Variants in HS6ST3 observed in about 807,000 individuals in gnomAD.
HS6ST3 encodes heparan sulfate 6-O-sulfotransferase 3.
In HS6ST3, 12 loss-of-function variants were observed where a neutral mutation model predicts 36.7. The ratio of observed to expected loss-of-function variants is 0.33; its 90% confidence interval spans 0.21 to 0.53. The LOEUF (loss-of-function observed/expected upper bound fraction) is 0.53. Among genes scored for constraint, HS6ST3 ranks in the 20% least tolerant of loss-of-function variants. HS6ST3 has a pLI of 0.95. For missense variants in HS6ST3, 584 were observed against 640.9 expected (o/e 0.91, Z 0.96); for synonymous variants, 240 against 257.5 (o/e 0.93, Z 0.65).
chr13:96,359,049 T>A (rs9556573), intron 1 of HS6ST3, among the ~76,000 whole-genome samples: 1 of 152,014 alleles, frequency 6.6e-6, no homozygotes, highest in Non-Finnish European at 1.5e-5. Flanking sequence ...ATATAAAATA[T>A]GTGTTAATGG....
intron 1 of HS6ST3, among the ~76,000 whole-genome samples, chr13:96,099,625 C>T (rs1228407758): frequency 6.6e-6 from 1 of 152,122 alleles, no homozygotes; most frequent in Non-Finnish European, 1.5e-5. Context: ...AATATCTTAC[C>T]ATGCTTTTAT....
intron 1 of HS6ST3, among the ~76,000 whole-genome samples, chr13:96,647,153 T>G (rs1566419808): frequency 6.6e-6 from 1 of 152,004 alleles, no homozygotes; most frequent in Non-Finnish European, 1.5e-5. Flanking sequence ...AAAGCAAATC[T>G]GCTACTAGTA....
intron 1 of HS6ST3, among the ~76,000 whole-genome samples, chr13:96,679,688 C>T (rs139825601): frequency 6.6e-6 from 1 of 152,286 alleles, no homozygotes; most frequent in East Asian, 1.9e-4. Context: ...GAATGCTGCT[C>T]TTCCCTAGCT....
intron 1 of HS6ST3, among the ~76,000 whole-genome samples, chr13:96,157,710 C>T (rs1474532049): frequency 6.6e-6 from 1 of 152,182 alleles, no homozygotes; most frequent in African/African-American, 2.4e-5. Context: ...AAAATAATGT[C>T]ATATTAATCA....
intron 1 of HS6ST3, among the ~76,000 whole-genome samples, chr13:96,311,924 T>C (rs375324922): frequency 4.6e-5 from 7 of 150,614 alleles, no homozygotes; most frequent in African/African-American, 1.7e-4. Flanking sequence ...CTCTGCTAGC[T>C]TTCTCATTTT....
chr13:96,668,505 T>C (rs2056671722), intron 1 of HS6ST3, among the ~76,000 whole-genome samples: 1 of 152,036 alleles, frequency 6.6e-6, no homozygotes, highest in African/African-American at 2.4e-5. Context: ...GGCAGCTCCC[T>C]TCTGCTGAGG....
chr13:96,414,857 G>A (rs1658001962), intron 1 of HS6ST3, among the ~76,000 whole-genome samples: 1 of 151,704 alleles, frequency 6.6e-6, no homozygotes, highest in Non-Finnish European at 1.5e-5. Flanking sequence ...TTTTCATTTT[G>A]TACAAAATTG....
chr13:96,225,201 G>T (rs2054474467), intron 1 of HS6ST3, among the ~76,000 whole-genome samples: 1 of 152,230 alleles, frequency 6.6e-6, no homozygotes, highest in Admixed American at 6.5e-5. Flanking sequence ...CATTTGAGAA[G>T]TAAATGTGCA....
intron 1 of HS6ST3, among the ~76,000 whole-genome samples, chr13:96,533,096 T>A (rs1194692291): frequency 6.6e-6 from 1 of 152,202 alleles, no homozygotes; most frequent in Non-Finnish European, 1.5e-5. Context: ...AAAGATAAAC[T>A]GGGGAAGCTA....
intron 1 of HS6ST3, among the ~76,000 whole-genome samples, chr13:96,420,614 A>G (rs994300144): frequency 1.3e-5 from 2 of 152,226 alleles, no homozygotes; most frequent in African/African-American, 4.8e-5. Context: ...ACTAGTATCA[A>G]GTTTATAACT....
At chr13:96,783,687 A>G (rs986132806) in intron 1 of HS6ST3, among the ~76,000 whole-genome samples, 9 of 152,118 alleles carry the variant, frequency 5.9e-5, no homozygotes, top group African/African-American at 2.2e-4. Context: ...AATTTGAGAC[A>G]ATATAAACCA....
At chr13:96,184,221 AAG>A (rs1555389927) in intron 1 of HS6ST3, among the ~76,000 whole-genome samples, 4 of 61,006 alleles carry the variant, frequency 6.6e-5, no homozygotes, top group African/African-American at 1.5e-4. Context: ...AAAAAAAAAA[AAG>A]AGAGAGAGAG....
intron 1 of HS6ST3, among the ~76,000 whole-genome samples, chr13:96,647,605 T>C (rs1297523918): frequency 6.6e-6 from 1 of 152,078 alleles, no homozygotes; most frequent in Non-Finnish European, 1.5e-5. Flanking sequence ...TCATATGGTG[T>C]AAGTGTTGAA....
intron 1 of HS6ST3, among the ~76,000 whole-genome samples, chr13:96,298,598 C>G (rs1321851415): frequency 6.6e-6 from 1 of 152,180 alleles, no homozygotes; most frequent in Non-Finnish European, 1.5e-5. Flanking sequence ...CCTGAGACAT[C>G]TCTAATAGTC....
At chr13:96,697,105 A>G (rs1875150179) in intron 1 of HS6ST3, among the ~76,000 whole-genome samples, 1 of 152,000 alleles carries the variant, frequency 6.6e-6, no homozygotes, top group Admixed American at 6.6e-5. Flanking sequence ...ATAAAACAAG[A>G]TGCCATGAAC....
chr13:96,108,952 C>CCTATCTCTATCTCTATCTCTATCT (rs145081903), intron 1 of HS6ST3, among the ~76,000 whole-genome samples: 53 of 147,928 alleles, frequency 3.6e-4, no homozygotes, highest in East Asian at 1.0e-3. Flanking sequence ...GACAACCACT[C>CCTATCTCTATCTCTATCTCTATCT]CTATCTCTAT....
In HS6ST3 at chr13:96,832,487, T is replaced by C. The variant is rs1410435596; in HGVS notation, c.708-3T>C. ...CTGATGCTCTTCCTCTAATTTCTTC[T>C]AGGAATTTCTATTACATCACAATGT... On this transcript the variant is annotated splice_region_variant and splice_polypyrimidine_tract_variant and intron_variant, in intron 1 of 1. Coordinates refer to ENST00000376705, the MANE Select transcript of HS6ST3 (RefSeq NM_153456.4). 2 of 1,540,270 alleles carry C rather than the reference T, an allele frequency of 1.3e-6. No homozygotes were observed. Among genetic ancestry groups the C allele is most frequent in the Non-Finnish European group, 1.7e-6 (2 of 1,144,766 alleles).
At chr13:96,383,710 C>A (rs2055353413) in intron 1 of HS6ST3, among the ~76,000 whole-genome samples, 1 of 133,328 alleles carries the variant, frequency 7.5e-6, no homozygotes, top group Non-Finnish European at 1.8e-5. Flanking sequence ...CAAGGGGACC[C>A]CCTCAAAGTG....
intron 1 of HS6ST3, among the ~76,000 whole-genome samples, chr13:96,443,668 A>G (rs2055684902): frequency 6.6e-6 from 1 of 152,232 alleles, no homozygotes; most frequent in East Asian, 1.9e-4. Context: ...CATTAATAGA[A>G]AGTAAGCACT....
Sources: gnomAD v4.1 joint callset for allele counts (sites outside exome capture counted in the v4.1 genomes callset) on GRCh38, gnomAD v4.1.1 for gene constraint, MANE v1.5 for transcripts, NCBI Gene and HGNC (gene_info 2026-07-23, HGNC 2026-07-21) for gene names.